The following MEGF10 variants were observed in gnomAD, a reference collection of about 807,000 sequenced individuals.
MEGF10 encodes multiple EGF like domains 10, also known as multiple epidermal growth factor-like domains protein 10.
In MEGF10, 86 loss-of-function variants were observed where a neutral mutation model predicts 147.5. The observed-to-expected ratio is 0.58, with a 90% CI of 0.49 to 0.70. The LOEUF is 0.70. Ranked by LOEUF, MEGF10 falls within the 30% of genes least tolerant of loss-of-function variation. The probability of loss-of-function intolerance (pLI) is 0.00; values close to 1 mark genes in which losing one functional copy is unlikely to be tolerated. For missense variants in MEGF10, 1,329 were observed against 1,487.3 expected (o/e 0.89, Z 1.75); for synonymous variants, 478 against 525.5 (o/e 0.91, Z 1.24).
At chr5:127,350,755 T>C (rs1762055227) in intron 4 of MEGF10, among the ~76,000 whole-genome samples, 1 of 152,180 alleles carries the variant, frequency 6.6e-6, no homozygotes, top group South Asian at 2.1e-4. Context: ...ATAAATTTGT[T>C]GTATATATAT....
intron 6 of MEGF10, among the ~76,000 whole-genome samples, chr5:127,398,356 C>T (rs192431796): frequency 3.3e-5 from 5 of 152,184 alleles, no homozygotes; most frequent in South Asian, 2.1e-4. Flanking sequence ...GGAGCACAAG[C>T]GCTTTATAAG....
At chr5:127,349,160 T>C (rs1197845680) in intron 4 of MEGF10, among the ~76,000 whole-genome samples, 1 of 152,196 alleles carries the variant, frequency 6.6e-6, no homozygotes, top group African/African-American at 2.4e-5. Flanking sequence ...AAATGTCCTC[T>C]TAAAACTAAA....
chr5:127,339,857 C>T (rs2126799407), intron 3 of MEGF10, among the ~76,000 whole-genome samples: 1 of 152,260 alleles, frequency 6.6e-6, no homozygotes, highest in Non-Finnish European at 1.5e-5. Flanking sequence ...TGTAAATTAG[C>T]ATTTCCCGCC....
intron 4 of MEGF10, among the ~76,000 whole-genome samples, chr5:127,364,684 C>G (rs1762592714): frequency 6.6e-6 from 1 of 152,210 alleles, no homozygotes; most frequent in African/African-American, 2.4e-5. Context: ...TAATTGTCCT[C>G]AGATAAAAGT....
chr5:127,383,856 T>C (rs1763339263), intron 5 of MEGF10, among the ~76,000 whole-genome samples: 1 of 152,168 alleles, frequency 6.6e-6, no homozygotes, highest in Non-Finnish European at 1.5e-5. Context: ...ATCGTTTAAA[T>C]TTTTTTCTCA....
chr5:127,268,862 C>T, the MEGF10 span, among the ~76,000 whole-genome samples: 1 of 152,206 alleles, frequency 6.6e-6, no homozygotes, highest in Non-Finnish European at 1.5e-5. Flanking sequence ...TGACACTTCA[C>T]TCAGCCAGGT....
chr5:127,376,514 G>A (rs2126875228), intron 5 of MEGF10, among the ~76,000 whole-genome samples: 1 of 152,222 alleles, frequency 6.6e-6, no homozygotes, highest in Non-Finnish European at 1.5e-5. Context: ...CAGGTTTCTA[G>A]GTATCAGGGG....
intron 15 of MEGF10, 42 bp downstream of exon 15, chr5:127,434,863 A>G (rs200649920): frequency 2.5e-6 from 4 of 1,594,144 alleles, no homozygotes; most frequent in East Asian, 4.5e-5. Context: ...GGTGATGAGC[A>G]CGCCCCGGAG....
the MEGF10 span, among the ~76,000 whole-genome samples, chr5:127,237,492 C>CA: frequency 4.0e-5 from 6 of 150,756 alleles, no homozygotes; most frequent in African/African-American, 1.2e-4. Flanking sequence ...ACTCTGTCTC[C>CA]AAAAAAATAA....
At position 127,371,190 on chromosome 5, in the gene MEGF10, A is replaced by AGTGT. The variant is rs1561600717; in HGVS notation, c.412+1188_412+1189insGTGT. On this transcript the variant is annotated intron_variant, in intron 5 of 24. Transcript: ENST00000503335. ...AACTGTACCTTAAACAGGGACTGGG[A>AGTGT]CTGTGTGTGTGTGTGTGTGTGTGTG... Among the ~76,000 whole-genome samples the AGTGT allele has an allele frequency of 1.5e-3, 136 of 93,760 alleles. 2 individuals are homozygous for AGTGT. The East Asian group carries it at 0.03, about 20-fold the overall frequency. The allele number at this position is 93,760 out of a possible 152,430, so 61.5% of individuals were successfully genotyped here.
chr5:127,339,012 A>G (rs1761573774), intron 2 of MEGF10, 108 bp from the exon 3 acceptor site: 2 of 538,424 alleles, frequency 3.7e-6, no homozygotes, highest in East Asian at 3.3e-5. Context: ...AAAAGTCACT[A>G]TGGAGTTGCA....
chr5:127,324,233 G>A (rs1388517830), intron 1 of MEGF10, among the ~76,000 whole-genome samples: 1 of 152,064 alleles, frequency 6.6e-6, no homozygotes, highest in Non-Finnish European at 1.5e-5. Flanking sequence ...GGAAAATTAA[G>A]ACTCTTAAGG....
the MEGF10 span, among the ~76,000 whole-genome samples, chr5:127,237,414 C>G: frequency 6.6e-6 from 1 of 152,144 alleles, no homozygotes; most frequent in African/African-American, 2.4e-5. Flanking sequence ...ATCACTTGAA[C>G]CCAGGAGGCA....
Position 127,363,832 on chromosome 5 carries a change from C to G in MEGF10, c.320-6078C>G, listed in dbSNP as rs559989952. Among the ~76,000 whole-genome samples the G allele has an allele frequency of 2.0e-5, 3 of 152,298 alleles. No homozygotes were observed. The South Asian group carries it at 6.2e-4, about 32-fold the overall frequency. ...TCTAGGTTCCTAGCATTCTCAAGCT[C>G]TTTCCACCACTGATCAGCCATTTAT... is the stretch of plus-strand genomic sequence containing the variant. On this transcript the variant is annotated intron_variant, in intron 4 of 24. Coordinates refer to ENST00000503335, the MANE Select transcript of MEGF10 (RefSeq NM_001256545.2).
intron 4 of MEGF10, among the ~76,000 whole-genome samples, chr5:127,369,704 G>T (rs193146752): frequency 6.6e-6 from 1 of 152,246 alleles, no homozygotes; most frequent in African/African-American, 2.4e-5. Context: ...GAAATGATGG[G>T]ATTTATTTGG....
intron 5 of MEGF10, among the ~76,000 whole-genome samples, chr5:127,372,581 G>A (rs761564064): frequency 6.6e-6 from 1 of 152,078 alleles, no homozygotes; most frequent in African/African-American, 2.4e-5. Flanking sequence ...GTCTTCTCTG[G>A]TCTGTGACAG....
At chr5:127,352,521 C>T (rs1027179480) in intron 4 of MEGF10, among the ~76,000 whole-genome samples, 7 of 152,044 alleles carry the variant, frequency 4.6e-5, no homozygotes, top group African/African-American at 1.2e-4. Flanking sequence ...ATTAGCTGGG[C>T]GTGGTGATGC....
At chr5:127,377,686 C>T (rs1763085903) in intron 5 of MEGF10, among the ~76,000 whole-genome samples, 1 of 152,130 alleles carries the variant, frequency 6.6e-6, no homozygotes, top group South Asian at 2.1e-4. Context: ...ATATTATGAG[C>T]CAGAAACATA....
intron 6 of MEGF10, among the ~76,000 whole-genome samples, chr5:127,396,984 C>A (rs762100471): frequency 6.6e-6 from 1 of 152,170 alleles, no homozygotes; most frequent in Non-Finnish European, 1.5e-5. Context: ...CAGATCCCAG[C>A]CTGAATCTAA....
Sources: gnomAD v4.1 joint callset for allele counts (sites outside exome capture counted in the v4.1 genomes callset) on GRCh38, gnomAD v4.1.1 for gene constraint, MANE v1.5 for transcripts, NCBI Gene and HGNC (gene_info 2026-07-23, HGNC 2026-07-21) for gene names.